Variants in UBR4 observed in about 807,000 individuals in gnomAD.
The protein encoded by UBR4 is ubiquitin protein ligase E3 component n-recognin 4, also known as E3 ubiquitin-protein ligase UBR4.
In UBR4, 124 loss-of-function variants were observed where a neutral mutation model predicts 575.6. That is an observed-to-expected ratio of 0.22 (90% CI 0.19 to 0.25). UBR4 has a LOEUF of 0.25. UBR4 is among the 10% of genes least tolerant of loss of function. The pLI is 1.00. For synonymous variants in UBR4, 2,455 were observed against 2,473.7 expected (o/e 0.99, Z 0.22); for missense variants, 4,818 against 6,478.8 (o/e 0.74, Z 8.80).
In UBR4 at chr1:19,110,450, C is replaced by T; in HGVS notation, c.11907G>A (p.Gln3969=). 6.2e-7 allele frequency: 1 copy of T among 1,614,138 alleles called. No individual in the cohort carries two copies. Among genetic ancestry groups the T allele is most frequent in the Non-Finnish European group, 8.5e-7 (1 of 1,180,034 alleles). The change falls in exon 80 of 106, where the codon CAG becomes CAA. Residue 3969 remains glutamine (Q), a synonymous_variant. Coordinates refer to ENST00000375254, the MANE Select transcript of UBR4 (RefSeq NM_020765.3). The surrounding 1 kb of genome is among the most constrained non-coding windows in gnomAD (Gnocchi z 4.5). ...AATCCGTCAGCAGCAGCATTTCATACTGCAGGCTACTTGCCTAGAAGGCAA... is the reference window on the plus strand; with the variant it reads ...AATCCGTCAGCAGCAGCATTTCATATTGCAGGCTACTTGCCTAGAAGGCAA... ...WANPDLASSL[Q]YEMLLLTDSI...
intron 92 of UBR4, 95 bp downstream of exon 92, chr1:19,096,428 T>C (rs565835749): frequency 1.3e-6 from 2 of 1,532,404 alleles, no homozygotes; most frequent in East Asian, 2.3e-5. Flanking sequence ...TGCTGCCCTC[T>C]AGGGTAAAAT....
intron 39 of UBR4, among the ~76,000 whole-genome samples, chr1:19,159,507 T>C (rs1286604165): frequency 6.6e-6 from 1 of 152,068 alleles, no homozygotes; most frequent in African/African-American, 2.4e-5. Context: ...AAAATGGAGT[T>C]CCCCACCTCT....
intron 63 of UBR4, among the ~76,000 whole-genome samples, chr1:19,127,411 T>G (rs543941194): frequency 4.6e-5 from 7 of 152,146 alleles, no homozygotes; most frequent in African/African-American, 1.7e-4. Flanking sequence ...TACCCCTCCA[T>G]TGGAGGGATT....
At chr1:19,149,661 A>C in intron 49 of UBR4, 1 of 1,043,132 alleles carries the variant, frequency 9.6e-7, no homozygotes, top group Non-Finnish European at 1.3e-6. Flanking sequence ...AAGCAGGAAG[A>C]CTCTTCAACA....
In UBR4 at chr1:19,099,472, C is replaced by A. The variant is rs1279361039; in HGVS notation, c.13302+125G>T. 3.8e-6 allele frequency: 3 copies of A among 791,286 alleles called. No individual in the cohort carries two copies. In the African/African-American group the frequency reaches 5.2e-5, roughly 14 times the overall value. The allele number at this position is 791,286 out of a possible 1,614,324, so 49.0% of individuals were successfully genotyped here. A position where few individuals can be genotyped will look rare whatever the true frequency, so the allele number is the denominator to read the frequency against. On this transcript the variant is annotated intron_variant, in intron 90 of 105. Coordinates refer to ENST00000375254, the MANE Select transcript of UBR4 (RefSeq NM_020765.3). ...TTCTCCACACAACCCCAAACAGGGA[C>A]AGTAAAGCCTTAGAGAGCTGCTACA...
At chr1:19,191,515 C>A (rs537284493) in intron 11 of UBR4, among the ~76,000 whole-genome samples, 1 of 152,176 alleles carries the variant, frequency 6.6e-6, no homozygotes, top group South Asian at 2.1e-4. Context: ...TCCGGCCCCT[C>A]GCTCTGACAT....
intron 60 of UBR4, among the ~76,000 whole-genome samples, chr1:19,133,331 T>C (rs935641289): frequency 2.6e-5 from 4 of 152,158 alleles, no homozygotes; most frequent in African/African-American, 4.8e-5. Flanking sequence ...CACAAGAAAC[T>C]GGAAATCTTG....
Position 19,197,755 on chromosome 1 carries a change from T to C in UBR4, c.808A>G (p.Ile270Val). 1 of 1,614,216 alleles carries C rather than the reference T, an allele frequency of 6.2e-7. No homozygotes were observed. The highest frequency in any genetic ancestry group is 8.5e-7 in the Non-Finnish European group (1 of 1,180,044). ...CLNLPYFLRY[I>V]NRFQDAVLAN... ...AAAACTGCATCTTGGAACCGATTGA[T>C]ATAGCGTAGGAAATATGGCAGGTTC... is the stretch of plus-strand genomic sequence containing the variant. The change falls in exon 7 of 106, where the codon ATC becomes GTC. Residue 270 changes from isoleucine to valine, a missense_variant. By Grantham distance (29) the Ile-to-Val change is conservative (BLOSUM62 3). This residue lies in a region of UBR4 where 131 missense variants were observed against 214.5 expected (regional missense o/e 0.61). Coordinates refer to ENST00000375254, the MANE Select transcript of UBR4 (RefSeq NM_020765.3).
chr1:19,076,630 T>C (rs2148378463), intron 105 of UBR4, 110 bp downstream of exon 105: 1 of 1,461,804 alleles, frequency 6.8e-7, no homozygotes, highest in South Asian at 1.2e-5. Context: ...GACAGGCTGG[T>C]TCATACTGCG....
At chr1:19,092,732 A>G in intron 97 of UBR4, 87 bp downstream of exon 97, 1 of 1,096,322 alleles carries the variant, frequency 9.1e-7, no homozygotes, top group Non-Finnish European at 1.3e-6. Flanking sequence ...GAAGTCTCAT[A>G]TATTAGGGTA....
rs533933266 is a variant in UBR4, at chr1:19,110,011, C to T, written c.12105+85G>A. 7.4e-4 allele frequency: 1,175 copies of T among 1,591,464 alleles called. 7 individuals carry two copies. The African/African-American group carries it at 0.014, about 18-fold the overall frequency. On this transcript the variant is annotated intron_variant, in intron 81 of 105. Coordinates refer to ENST00000375254, the MANE Select transcript of UBR4 (RefSeq NM_020765.3). This position sits in a 1 kb window ranked among gnomAD's most constrained non-coding sequence, Gnocchi z 4.5. ...AGGTGGGCTCAAGGCAAAGCGGAGA[C>T]CATGAGGAGGCAGGGCACACTGCCA...
chr1:19,164,819 T>C lies in UBR4; in HGVS notation c.4491A>G (p.Thr1497=), dbSNP rs775627369. ...ENRQLLQLLT[T]YIVRENSQVG... is the part of the protein sequence containing the mutation. ...TCTACCTGTTTTCCCGAACAATGTA[T>C]GTGGTCAGTAACTGCAGCAGCTGCC... The change falls in exon 32 of 106, where the codon ACA becomes ACG. Residue 1497 remains threonine (T), a synonymous_variant. Coordinates refer to ENST00000375254, the MANE Select transcript of UBR4 (RefSeq NM_020765.3). 18 of 1,614,060 alleles carry C rather than the reference T, an allele frequency of 1.1e-5. No individual in the cohort carries two copies. The highest frequency in any genetic ancestry group is 2.2e-5 in the East Asian group (1 of 44,894).
At position 19,198,694 on chromosome 1, in the gene UBR4, A is replaced by C; in HGVS notation, c.509-14T>G. The C allele has an allele frequency of 6.2e-7, 1 of 1,613,498 alleles. No homozygotes were observed. The highest frequency in any genetic ancestry group is 8.5e-7 in the Non-Finnish European group (1 of 1,179,548). On this transcript the variant is annotated splice_polypyrimidine_tract_variant and intron_variant, in intron 4 of 105. Transcript: ENST00000375254. Reference sequence around the variant, plus strand: ...TCTGATCTTCCACTGTAAAATACAAAGGCAAAAAAAAGGGCTGAGGAAAGT... The same window carrying C: ...TCTGATCTTCCACTGTAAAATACAACGGCAAAAAAAAGGGCTGAGGAAAGT...
At chr1:19,127,455 G>C (rs1449127256) in intron 63 of UBR4, among the ~76,000 whole-genome samples, 168 bp downstream of exon 63, 1 of 152,150 alleles carries the variant, frequency 6.6e-6, no homozygotes, top group Non-Finnish European at 1.5e-5. Flanking sequence ...AGGGATTCGG[G>C]AAAAGGTGGA....
Position 19,089,097 on chromosome 1 carries a change from G to C in UBR4, c.14212-120C>G. 1 of 966,736 alleles carries C rather than the reference G, an allele frequency of 1.0e-6. No homozygotes were observed. The highest frequency in any genetic ancestry group is 1.6e-5 in the African/African-American group (1 of 61,232). The allele number at this position is 966,736 out of a possible 1,614,324, so 59.9% of individuals were successfully genotyped here. A position where few individuals can be genotyped will look rare whatever the true frequency, so the allele number is the denominator to read the frequency against. On this transcript the variant is annotated intron_variant, in intron 97 of 105. Transcript: ENST00000375254. The surrounding 1 kb of genome is among the most constrained non-coding windows in gnomAD (Gnocchi z 4.3). Reference sequence around the variant, plus strand: ...ACCATCTCATGTCACCTGCTCAGCTGCAATCAGGTCCTTTGATTCCACACT... The same window carrying C: ...ACCATCTCATGTCACCTGCTCAGCTCCAATCAGGTCCTTTGATTCCACACT...
rs762918021 is a variant in UBR4, at chr1:19,122,921, A to T, written c.9728T>A (p.Leu3243Gln). The T allele has an allele frequency of 8.1e-6, 13 of 1,614,114 alleles. No individual in the cohort carries two copies. Among genetic ancestry groups the T allele is most frequent in the Non-Finnish European group, 1.1e-5 (13 of 1,180,046 alleles). ...GAGGAATATCCCCTGCTCTTCTAGC[A>T]GCTTCTTGATCCCACGCACGTGAGA... ...LDSHVRGIKK[L>Q]LEEQGIFLRA... The change falls in exon 66 of 106, where the codon CTG becomes CAG. Residue 3243 changes from leucine to glutamine, a missense_variant. Physicochemically the swap from Leu to Gln is moderately radical, Grantham distance 113 (BLOSUM62 -2). This residue lies in a region of UBR4 where 550 missense variants were observed against 791.5 expected (regional missense o/e 0.69). Coordinates refer to ENST00000375254, the MANE Select transcript of UBR4 (RefSeq NM_020765.3).
rs375092437 is a variant in UBR4 at position 19,143,240 on chromosome 1, A to C, written c.8179+740T>G. 5.2e-3 allele frequency among the ~76,000 whole-genome samples: 718 copies of C among 139,122 alleles called. 9 individuals are homozygous for C. The highest frequency in any genetic ancestry group is 0.015 in the African/African-American group (544 of 36,670). The allele number at this position is 139,122 out of a possible 152,430, so 91.3% of individuals were successfully genotyped here. ...AAAGGAAGGAAGGAAGGAAGGCAGGAAGGAAGGAAGGAAGGAAGGAAGAAA... is the reference window on the plus strand; with the variant it reads ...AAAGGAAGGAAGGAAGGAAGGCAGGCAGGAAGGAAGGAAGGAAGGAAGAAA... On this transcript the variant is annotated intron_variant, in intron 55 of 105. Coordinates refer to ENST00000375254, the MANE Select transcript of UBR4 (RefSeq NM_020765.3).
chr1:19,192,787 CT>C (rs879402823), intron 9 of UBR4, among the ~76,000 whole-genome samples: 40 of 146,044 alleles, frequency 2.7e-4, no homozygotes, highest in Middle Eastern at 3.6e-3. Flanking sequence ...CATCAGATCA[CT>C]TTTTTTTTTT....
intron 17 of UBR4, 142 bp from the exon 18 acceptor site, chr1:19,179,362 G>A: frequency 1.1e-6 from 1 of 890,172 alleles, no homozygotes; most frequent in East Asian, 3.1e-5. Flanking sequence ...TCAGATTTTG[G>A]AATAGTTTGG....
Sources: allele counts gnomAD v4.1 joint callset (sites outside exome capture counted in the v4.1 genomes callset), GRCh38; gene constraint gnomAD v4.1.1; regional missense constraint gnomAD v4.1.1; non-coding constraint Gnocchi (gnomAD v3.1); transcripts MANE v1.5; gene names NCBI Gene and HGNC (gene_info 2026-07-23, HGNC 2026-07-21).